The following TUBB4A variants were observed in gnomAD, a reference collection of about 807,000 sequenced individuals.
The protein encoded by TUBB4A is tubulin beta-4A chain.
A neutral mutation model predicts 35.1 loss-of-function variants in TUBB4A; 13 were observed. The observed-to-expected ratio is 0.37, with a 90% CI of 0.24 to 0.59. The LOEUF is 0.59. Ranked by LOEUF, TUBB4A falls within the 20% of genes least tolerant of loss-of-function variation. The probability of loss-of-function intolerance (pLI) is 0.71; values close to 1 mark genes in which losing one functional copy is unlikely to be tolerated. For synonymous variants in TUBB4A, 279 were observed against 272.4 expected (o/e 1.02, Z -0.24); for missense variants, 299 against 647.2 (o/e 0.46, Z 5.84).
chr19:6,495,100 G>T lies in TUBB4A; in HGVS notation c.*64C>A. 1.3e-6 allele frequency: 2 copies of T among 1,576,496 alleles called. No individual in the cohort carries two copies. The highest frequency in any genetic ancestry group is 1.7e-6 in the Non-Finnish European group (2 of 1,155,184). ...AAGCGGGGCTCTAGGGTTCAGAGAT[G>T]GGGGGCCTAGCGGATCAAAGGTCAG... On this transcript the variant is annotated 3_prime_UTR_variant, in exon 4 of 4. Transcript: ENST00000264071. The surrounding 1 kb of genome is among the most constrained non-coding windows in gnomAD (Gnocchi z 8.7).
At chr19:6,497,898 CAA>C (rs1179837262) in intron 3 of TUBB4A, among the ~76,000 whole-genome samples, 3 of 42,256 alleles carry the variant, frequency 7.1e-5, no homozygotes, top group East Asian at 7.0e-4. Context: ...GACTCCGTCT[CAA>C]AAAAAAAAAA....
chr19:6,497,284 C>T (rs1403862699), intron 3 of TUBB4A, among the ~76,000 whole-genome samples: 1 of 151,354 alleles, frequency 6.6e-6, no homozygotes, highest in Non-Finnish European at 1.5e-5. Context: ...CATTTTCAGG[C>T]AGGGTCTTGG....
Position 6,501,944 on chromosome 19 carries a change from G to A in TUBB4A, c.57+212C>T, listed in dbSNP as rs1243072344. ...GCCCAGCTGTGACAGGCGGACAGAA[G>A]GCTGGCTCCCACTCTCCGCAGCCTC... is the stretch of plus-strand genomic sequence containing the variant. On this transcript the variant is annotated intron_variant, in intron 1 of 3. Coordinates refer to ENST00000264071, the MANE Select transcript of TUBB4A (RefSeq NM_006087.4). The surrounding 1 kb of genome is among the most constrained non-coding windows in gnomAD (Gnocchi z 4.2). 3.9e-5 allele frequency among the ~76,000 whole-genome samples: 6 copies of A among 152,246 alleles called. No homozygotes were observed. Among genetic ancestry groups the A allele is most frequent in the African/African-American group, 1.2e-4 (5 of 41,562 alleles).
Position 6,501,632 on chromosome 19 carries a change from A to G in TUBB4A, c.58-9T>C. 1 of 1,611,414 alleles carries G rather than the reference A, an allele frequency of 6.2e-7. No homozygotes were observed. The highest frequency in any genetic ancestry group is 8.5e-7 in the Non-Finnish European group (1 of 1,178,176). ...CTGATAACCTCCCAAAACTAGAGAG[A>G]GAGGTGGTCGGAAGAGTTGAGAGAG... On this transcript the variant is annotated splice_polypyrimidine_tract_variant and intron_variant, in intron 1 of 3. Transcript: ENST00000264071. The surrounding 1 kb of genome is among the most constrained non-coding windows in gnomAD (Gnocchi z 4.2).
Position 6,496,223 on chromosome 19 carries a change from TAG to T in TUBB4A, c.278-4_278-3del. 1.2e-6 allele frequency: 2 copies of T among 1,604,708 alleles called. No homozygotes were observed. The highest frequency in any genetic ancestry group is 1.7e-6 in the Non-Finnish European group (2 of 1,173,686). ...AGTTGTTGCCGGCTCCGGATTGGCC[TAG>T]AGAGGGAAGGGGAGGGGACACACAT... On this transcript the variant is annotated splice_polypyrimidine_tract_variant and splice_region_variant and intron_variant, in intron 3 of 3. Transcript: ENST00000264071.
intron 3 of TUBB4A, 50 bp from the exon 4 acceptor site, chr19:6,496,271 C>A (rs1300816424): frequency 6.5e-7 from 1 of 1,532,446 alleles, no homozygotes; most frequent in Non-Finnish European, 8.8e-7. Context: ...GGAGCCCCAA[C>A]CCTTGACTCT....
At position 6,502,142 on chromosome 19, in the gene TUBB4A, C is replaced by A; in HGVS notation, c.57+14G>T. The A allele has an allele frequency of 6.4e-7, 1 of 1,561,096 alleles. No homozygotes were observed. Among genetic ancestry groups the A allele is most frequent in the East Asian group, 2.5e-5 (1 of 40,674 alleles). On this transcript the variant is annotated intron_variant, in intron 1 of 3. Coordinates refer to ENST00000264071, the MANE Select transcript of TUBB4A (RefSeq NM_006087.4). The stretch of plus-strand genomic sequence containing the variant: ...GGGCCGCCACTGCCTCCCCGGGCCC[C>A]GTTCCCCGAGCACCTTGGCCCCGAT...
At position 6,494,951 on chromosome 19, in the gene TUBB4A, A is replaced by T; in HGVS notation, c.*213T>A. The T allele has an allele frequency of 1.6e-6, 1 of 624,378 alleles. No homozygotes were observed. Among genetic ancestry groups the T allele is most frequent in the Non-Finnish European group, 2.8e-6 (1 of 361,570 alleles). 38.7% of individuals were successfully genotyped at this position (624,378 alleles called of 1,614,324 possible). On this transcript the variant is annotated 3_prime_UTR_variant, in exon 4 of 4. Coordinates refer to ENST00000264071, the MANE Select transcript of TUBB4A (RefSeq NM_006087.4). ...CTCCTGGGAATGTCAAGGTTGGAAGAGCTCAAGGGGGTTAAAGATAAATTA... is the reference window on the plus strand; with the variant it reads ...CTCCTGGGAATGTCAAGGTTGGAAGTGCTCAAGGGGGTTAAAGATAAATTA...
At chr19:6,496,818 C>G (rs1914222854) in intron 3 of TUBB4A, among the ~76,000 whole-genome samples, 1 of 146,180 alleles carries the variant, frequency 6.8e-6, no homozygotes, top group Non-Finnish European at 1.5e-5. Flanking sequence ...GAGACTCCAT[C>G]TCAAAAACAC....
chr19:6,501,045 G>A lies in TUBB4A; in HGVS notation c.277+242C>T, dbSNP rs1408762831. The A allele has an allele frequency of 1.2e-5, 6 of 505,588 alleles. No homozygotes were observed. Among genetic ancestry groups the A allele is most frequent in the South Asian group, 3.0e-5 (1 of 33,364 alleles). 31.3% of individuals were successfully genotyped at this position (505,588 alleles called of 1,614,324 possible). On this transcript the variant is annotated intron_variant, in intron 3 of 3. Transcript: ENST00000264071. The surrounding 1 kb of genome is among the most constrained non-coding windows in gnomAD (Gnocchi z 4.2). ...AGGCAGTCTGGTTCCGGTTCAGACC[G>A]TTGAATTAAAATGCCACCTCCTCCA...
intron 3 of TUBB4A, among the ~76,000 whole-genome samples, chr19:6,498,202 C>A (rs1191588294): frequency 7.1e-5 from 7 of 99,044 alleles, no homozygotes; most frequent in Admixed American, 2.5e-4. Context: ...CAGAGTGAGA[C>A]TTTGTCTCAA....
At position 6,495,402 on chromosome 19, in the gene TUBB4A, G is replaced by T; in HGVS notation, c.1097C>A (p.Thr366Asn). 6.2e-7 allele frequency: 1 copy of T among 1,614,024 alleles called. No homozygotes were observed. Among genetic ancestry groups the T allele is most frequent in the Non-Finnish European group, 8.5e-7 (1 of 1,180,020 alleles). Residue 366 changes from threonine to asparagine, a missense_variant, in exon 4 of 4, where the codon ACC becomes AAC. Around this residue, in one of 5 missense-constraint regions of TUBB4A, gnomAD observed 125 missense variants for 279.1 expected, o/e 0.45. Transcript: ENST00000264071. This position sits in a 1 kb window ranked among gnomAD's most constrained non-coding sequence, Gnocchi z 8.7. ...IPPRGLKMAA[T>N]FIGNSTAIQE... ...GATGGCCGTGCTGTTGCCGATGAAG[G>T]TCGCGGCCATCTTCAGGCCGCGGGG...
chr19:6,502,006 G>T, intron 1 of TUBB4A, 150 bp downstream of exon 1: 3 of 813,034 alleles, frequency 3.7e-6, no homozygotes, highest in South Asian at 1.9e-5. Flanking sequence ...CCCACCCCGC[G>T]ACCCTTCCCC....
At chr19:6,499,574 C>T (rs577884289) in intron 3 of TUBB4A, among the ~76,000 whole-genome samples, 33 of 152,238 alleles carry the variant, frequency 2.2e-4, no homozygotes, top group African/African-American at 7.5e-4. Context: ...AAAGCTTTCC[C>T]GGAAGGATTG....
chr19:6,496,426 G>A (rs1298332437), intron 3 of TUBB4A: 6 of 527,222 alleles, frequency 1.1e-5, no homozygotes, highest in African/African-American at 1.9e-5. Flanking sequence ...TCAGGAGATC[G>A]AGACCATCCT....
Position 6,495,771 on chromosome 19 carries a change from G to A in TUBB4A, c.728C>T (p.Pro243Leu). ...GCGCAGGTCGGCGTTCAGCTGGCCCGGGAAGCGCAGGCAGGTGGTGACCCC... is the reference window on the plus strand; with the variant it reads ...GCGCAGGTCGGCGTTCAGCTGGCCCAGGAAGCGCAGGCAGGTGGTGACCCC... The part of the protein sequence containing the change: ...MSGVTTCLRF[P>L]GQLNADLRKL... Residue 243 changes from proline (P) to leucine (L), a missense_variant, in exon 4 of 4, where the codon CCG becomes CTG. Transcript: ENST00000264071. The surrounding 1 kb of genome is among the most constrained non-coding windows in gnomAD (Gnocchi z 8.7). The A allele has an allele frequency of 6.2e-7, 1 of 1,614,214 alleles. No homozygotes were observed. The highest frequency in any genetic ancestry group is 8.5e-7 in the Non-Finnish European group (1 of 1,180,034).
rs1402976938 is a variant in TUBB4A, at chr19:6,495,573, C to T, written c.926G>A (p.Arg309His). 1 of 1,613,990 alleles carries T rather than the reference C, an allele frequency of 6.2e-7. No individual in the cohort carries two copies. ...GAACACGGCGGCCACGGTCAGGTAGCGGCCGTGGCGCGGGTCGCACGCCGC... is the reference window on the plus strand; with the variant it reads ...GAACACGGCGGCCACGGTCAGGTAGTGGCCGTGGCGCGGGTCGCACGCCGC... ...MMAACDPRHG[R>H]YLTVAAVFRG... The change falls in exon 4 of 4, where the codon CGC becomes CAC. Residue 309 changes from arginine to histidine, a missense_variant. By Grantham distance (29) the Arg-to-His change is conservative. This residue lies in a region of TUBB4A where 125 missense variants were observed against 279.1 expected (regional missense o/e 0.45). Transcript: ENST00000264071. This position sits in a 1 kb window ranked among gnomAD's most constrained non-coding sequence, Gnocchi z 8.7.
intron 3 of TUBB4A, among the ~76,000 whole-genome samples, chr19:6,497,947 C>T (rs1236689287): frequency 7.7e-6 from 1 of 129,664 alleles, no homozygotes; most frequent in African/African-American, 2.9e-5. Flanking sequence ...CGTGGTGGCT[C>T]ACGCTTGTAA....
Position 6,501,145 on chromosome 19 carries a change from A to G in TUBB4A, c.277+142T>C. 1 of 643,224 alleles carries G rather than the reference A, an allele frequency of 1.6e-6. No individual in the cohort carries two copies. The highest frequency in any genetic ancestry group is 2.8e-5 in the East Asian group (1 of 36,212). 39.8% of individuals were successfully genotyped at this position (643,224 alleles called of 1,614,324 possible). A position where few individuals can be genotyped will look rare whatever the true frequency, so the allele number is the denominator to read the frequency against. ...ACAGTGGCCTGAGCATCCCCTCATC[A>G]CAGCCCTGGATGCAGGGCTGGTGCC... On this transcript the variant is annotated intron_variant, in intron 3 of 3. Coordinates refer to ENST00000264071, the MANE Select transcript of TUBB4A (RefSeq NM_006087.4). This position sits in a 1 kb window ranked among gnomAD's most constrained non-coding sequence, Gnocchi z 4.2.
Sources: allele counts gnomAD v4.1 joint callset (sites outside exome capture counted in the v4.1 genomes callset), GRCh38; gene constraint gnomAD v4.1.1; regional missense constraint gnomAD v4.1.1; non-coding constraint Gnocchi (gnomAD v3.1); transcripts MANE v1.5; gene names NCBI Gene and HGNC (gene_info 2026-07-23, HGNC 2026-07-21).